XYLB: variants seen among roughly 807,000 people sequenced by gnomAD.
The protein encoded by XYLB is xylulose kinase.
Under a neutral mutation model 78.7 loss-of-function variants are expected in XYLB, and 62 were observed. The observed-to-expected ratio is 0.79, with a 90% CI of 0.64 to 0.97. XYLB has a LOEUF of 0.97. Among genes scored for constraint, XYLB ranks in the 50% least tolerant of loss-of-function variants. The pLI is 0.00. For missense variants in XYLB, 687 were observed against 676.8 expected (o/e 1.02, Z -0.17); for synonymous variants, 245 against 247.4 (o/e 0.99, Z 0.09).
chr3:38,358,693 G>GT (rs1173824791), intron 2 of XYLB, among the ~76,000 whole-genome samples: 1 of 152,114 alleles, frequency 6.6e-6, no homozygotes, highest in African/African-American at 2.4e-5. Flanking sequence ...TCTGGTTACA[G>GT]TTTTTATCTG....
chr3:38,405,915 A>G (rs1708300476), intron 18 of XYLB, among the ~76,000 whole-genome samples: 2 of 152,258 alleles, frequency 1.3e-5, no homozygotes, highest in Non-Finnish European at 2.9e-5. Flanking sequence ...CCACAGCTCA[A>G]GGAGGCCTGC....
intron 14 of XYLB, among the ~76,000 whole-genome samples, chr3:38,378,827 A>G (rs997793114): frequency 6.7e-6 from 1 of 148,628 alleles, no homozygotes; most frequent in African/African-American, 2.5e-5. Flanking sequence ...CTTATCTAGT[A>G]TGTACTGCAT....
downstream of XYLB, among the ~76,000 whole-genome samples, chr3:38,426,088 A>T (rs1709094287): frequency 6.6e-6 from 1 of 152,180 alleles, no homozygotes; most frequent in East Asian, 1.9e-4. Flanking sequence ...AATTTTAATC[A>T]TTATGGGATT....
At chr3:38,435,865 G>A in the XYLB span, among the ~76,000 whole-genome samples, 1 of 152,050 alleles carries the variant, frequency 6.6e-6, no homozygotes, top group African/African-American at 2.4e-5. Context: ...TGAAGAAATT[G>A]AGATGGAAAT....
intron 12 of XYLB, 47 bp from the exon 13 acceptor site, chr3:38,376,070 T>G: frequency 7.5e-7 from 1 of 1,340,364 alleles, no homozygotes; most frequent in Non-Finnish European, 1.1e-6. Context: ...ATGGGTCCAG[T>G]CAGCAAGCAC....
At chr3:38,400,645 C>T (rs982843594) in intron 17 of XYLB, among the ~76,000 whole-genome samples, 3 of 152,190 alleles carry the variant, frequency 2.0e-5, no homozygotes, top group African/African-American at 7.2e-5. Flanking sequence ...CTGCTGGAGA[C>T]AAGCCTGCAC....
chr3:38,435,350 G>A, the XYLB span, among the ~76,000 whole-genome samples: 1 of 151,204 alleles, frequency 6.6e-6, no homozygotes, highest in Admixed American at 6.6e-5. Context: ...CACACACAAA[G>A]TCATTTTATA....
chr3:38,395,403 GCC>G (rs1181110046), intron 15 of XYLB, 100 bp from the exon 16 acceptor site: 13 of 1,013,566 alleles, frequency 1.3e-5, no homozygotes, highest in Non-Finnish European at 1.8e-5. Context: ...GGAGGCATTG[GCC>G]CATCATGAGC....
At chr3:38,400,575 C>T (rs1003287151) in intron 17 of XYLB, among the ~76,000 whole-genome samples, 25 of 152,076 alleles carry the variant, frequency 1.6e-4, no homozygotes, top group African/African-American at 5.8e-4. Flanking sequence ...CATCATATGT[C>T]GAGGTTACCC....
the XYLB span, among the ~76,000 whole-genome samples, chr3:38,446,910 T>C: frequency 2.0e-5 from 3 of 152,020 alleles, no homozygotes; most frequent in Non-Finnish European, 4.4e-5. Context: ...AACACAAAAA[T>C]AGACAAATGG....
the XYLB span, among the ~76,000 whole-genome samples, chr3:38,447,412 T>C: frequency 6.0e-5 from 9 of 150,320 alleles, no homozygotes; most frequent in African/African-American, 1.7e-4. Context: ...CAAGTGATCC[T>C]CCCACTTCAG....
At chr3:38,448,989 T>G in the XYLB span, among the ~76,000 whole-genome samples, 75 of 152,350 alleles carry the variant, frequency 4.9e-4, no homozygotes, top group African/African-American at 1.7e-3. Flanking sequence ...TTGTCTCTAT[T>G]TGCTTGTATT....
intron 14 of XYLB, among the ~76,000 whole-genome samples, chr3:38,378,237 T>C (rs946575517): frequency 1.3e-5 from 2 of 152,254 alleles, no homozygotes; most frequent in Non-Finnish European, 2.9e-5. Flanking sequence ...GCCTGTTCTC[T>C]TTCATGCATA....
chr3:38,439,711 G>A, the XYLB span, among the ~76,000 whole-genome samples: 2 of 150,976 alleles, frequency 1.3e-5, no homozygotes, highest in African/African-American at 2.4e-5. Flanking sequence ...GCAGTGAGCC[G>A]AGATAGCGCC....
intron 13 of XYLB, 80 bp downstream of exon 13, chr3:38,376,312 CTG>C: frequency 1.0e-6 from 1 of 955,974 alleles, no homozygotes; most frequent in Non-Finnish European, 1.7e-6. Context: ...GCCCCATGAG[CTG>C]GGGGAGAGGA....
At position 38,370,128 on chromosome 3, in the gene XYLB, A is replaced by G. The variant is rs1377113826; in HGVS notation, c.719A>G (p.His240Arg). 1 of 1,614,108 alleles carries G rather than the reference A, an allele frequency of 6.2e-7. No individual in the cohort carries two copies. Among genetic ancestry groups the G allele is most frequent in the East Asian group, 2.2e-5 (1 of 44,874 alleles). The change falls in exon 9 of 19, where the codon CAT becomes CGT. Residue 240 changes from histidine to arginine, a missense_variant. By Grantham distance (29) the His-to-Arg change is conservative. Coordinates refer to ENST00000207870, the MANE Select transcript of XYLB (RefSeq NM_005108.4). ...SQACLGACAP[H>R]LEEKLSPPVP... is the part of the protein sequence containing the mutation. ...GCTTGCCTTGGTGCCTGTGCACCTCATTTAGAGGAGAAGCTTAGCCCACCA... is the reference window on the plus strand; with the variant it reads ...GCTTGCCTTGGTGCCTGTGCACCTCGTTTAGAGGAGAAGCTTAGCCCACCA...
downstream of XYLB, among the ~76,000 whole-genome samples, chr3:38,424,123 A>C (rs974296012): frequency 6.6e-6 from 1 of 152,242 alleles, no homozygotes; most frequent in Non-Finnish European, 1.5e-5. Context: ...TTGAAAAGCA[A>C]GTGCATAAAG....
chr3:38,398,521 A>C (rs1173844308), intron 17 of XYLB, among the ~76,000 whole-genome samples: 1 of 151,858 alleles, frequency 6.6e-6, no homozygotes, highest in African/African-American at 2.4e-5. Context: ...TCCCCACCCC[A>C]TCTACCTCAC....
intron 18 of XYLB, among the ~76,000 whole-genome samples, chr3:38,409,771 C>T (rs577133614): frequency 3.9e-5 from 6 of 152,270 alleles, no homozygotes; most frequent in African/African-American, 1.4e-4. Context: ...CATGAGTGAA[C>T]TCCCATTCAC....
Sources: allele counts gnomAD v4.1 joint callset (sites outside exome capture counted in the v4.1 genomes callset), GRCh38; gene constraint gnomAD v4.1.1; transcripts MANE v1.5; gene names NCBI Gene and HGNC (gene_info 2026-07-23, HGNC 2026-07-21).